The following EIF4G2 variants were observed in gnomAD, a reference collection of about 807,000 sequenced individuals.
EIF4G2 encodes eukaryotic translation initiation factor 4 gamma 2, also known as DAP-5.
Under a neutral mutation model 117.7 loss-of-function variants are expected in EIF4G2, and 8 were observed. That is an observed-to-expected ratio of 0.07 (90% CI 0.04 to 0.12). The LOEUF (loss-of-function observed/expected upper bound fraction) is 0.12, where lower values mean the gene tolerates loss of function less well. EIF4G2 is among the 10% of genes least tolerant of loss of function. EIF4G2 has a pLI of 1.00. For synonymous variants in EIF4G2, 413 were observed against 367.8 expected (o/e 1.12, Z -1.41); for missense variants, 812 against 1,086.2 (o/e 0.75, Z 3.55).
chr11:10,798,340 A>T (rs1234679040), intron 21 of EIF4G2, among the ~76,000 whole-genome samples: 1 of 152,194 alleles, frequency 6.6e-6, no homozygotes, highest in Non-Finnish European at 1.5e-5. Context: ...GAAAAAATCA[A>T]ATTGTGAGAA....
In EIF4G2 at chr11:10,801,736, G is replaced by A. The variant is rs768169919; in HGVS notation, c.1338C>T (p.Leu446=). The A allele has an allele frequency of 3.7e-6, 6 of 1,614,162 alleles. No homozygotes were observed. The highest frequency in any genetic ancestry group is 5.1e-6 in the Non-Finnish European group (6 of 1,180,032). Residue 446 remains leucine, a synonymous_variant, in exon 14 of 22, where the codon CTC becomes CTT. Transcript: ENST00000339995. The stretch of plus-strand genomic sequence containing the variant: ...TCGACTGTCCTTGCAGCTGGGATAA[G>A]AGTCCCTGACTCTGGTTATGGTAGA...
Position 10,808,155 on chromosome 11 carries a change from T to TC in EIF4G2, c.-87+549dup, listed in dbSNP as rs567780427. 2.0e-5 allele frequency: 22 copies of TC among 1,096,700 alleles called. No homozygotes were observed. The East Asian group carries it at 2.0e-3, about 98-fold the overall frequency. 67.9% of individuals were successfully genotyped at this position (1,096,700 alleles called of 1,614,324 possible). A position where few individuals can be genotyped will look rare whatever the true frequency, so the allele number is the denominator to read the frequency against. On this transcript the variant is annotated intron_variant, in intron 1 of 21. Transcript: ENST00000339995. ...AGCGGGCCCCCTCCTGCACCATAAATCCCCCCGGGACTGACAACCGCCTCG... is the reference window on the plus strand; with the variant it reads ...AGCGGGCCCCCTCCTGCACCATAAATCCCCCCCGGGACTGACAACCGCCTCG...
In EIF4G2 at chr11:10,800,531, G is replaced by A; in HGVS notation, c.1761C>T (p.Ile587=). The A allele has an allele frequency of 6.2e-7, 1 of 1,614,080 alleles. No individual in the cohort carries two copies. The highest frequency in any genetic ancestry group is 8.5e-7 in the Non-Finnish European group (1 of 1,180,016). The change falls in exon 17 of 22, where the codon ATC becomes ATT. Residue 587 remains isoleucine, a synonymous_variant. Coordinates refer to ENST00000339995, the MANE Select transcript of EIF4G2 (RefSeq NM_001418.4). ...CTTCATCGCTTCTATCTAGTGACAG[G>A]ATGATTACTTTGCTTAACATCTCAG... is the stretch of plus-strand genomic sequence containing the variant.
intron 3 of EIF4G2, 74 bp from the exon 4 acceptor site, chr11:10,806,121 G>C (rs1192862885): frequency 6.3e-7 from 1 of 1,590,520 alleles, no homozygotes; most frequent in East Asian, 2.2e-5. Context: ...CTCTTACATA[G>C]AAAAAAGTAA....
chr11:10,807,647 A>G (rs953370636), intron 1 of EIF4G2: 1 of 1,059,732 alleles, frequency 9.4e-7, no homozygotes. Flanking sequence ...GCCACATTCT[A>G]CTATCTTTAA....
Position 10,802,178 on chromosome 11 carries a change from G to A in EIF4G2, c.1170C>T (p.Ile390=). The A allele has an allele frequency of 6.2e-7, 1 of 1,614,160 alleles. No homozygotes were observed. Among genetic ancestry groups the A allele is most frequent in the Non-Finnish European group, 8.5e-7 (1 of 1,180,040 alleles). The stretch of plus-strand genomic sequence containing the variant: ...CCATGGTGGGTGAAAATCTATCCTG[G>A]ATAACTCCTGGACCAGTACCAATTC... The change falls in exon 13 of 22, where the codon ATC becomes ATT. Residue 390 remains isoleucine, a synonymous_variant. Coordinates refer to ENST00000339995, the MANE Select transcript of EIF4G2 (RefSeq NM_001418.4).
intron 1 of EIF4G2, chr11:10,808,286 G>A (rs764351481): frequency 4.1e-6 from 5 of 1,216,824 alleles, no homozygotes; most frequent in South Asian, 1.4e-5. Context: ...CCTCCCCGCC[G>A]GGAGGCCAGG....
chr11:10,799,926 A>C, intron 18 of EIF4G2, 164 bp downstream of exon 18: 1 of 1,146,348 alleles, frequency 8.7e-7, no homozygotes, highest in South Asian at 1.6e-5. Context: ...AAATGAAAGT[A>C]GTTAAATTAT....
At chr11:10,798,128 T>C (rs1251801142) in intron 21 of EIF4G2, among the ~76,000 whole-genome samples, 1 of 152,204 alleles carries the variant, frequency 6.6e-6, no homozygotes, top group South Asian at 2.1e-4. Context: ...GGTAGGAAGA[T>C]GCTGCAGGAC....
At chr11:10,799,962 G>A in intron 18 of EIF4G2, 128 bp downstream of exon 18, 2 of 1,172,326 alleles carry the variant, frequency 1.7e-6, no homozygotes, top group Non-Finnish European at 2.4e-6. Flanking sequence ...GGTGAGATCT[G>A]TGGTAATGTT....
rs1288987947 is a variant in EIF4G2, at chr11:10,806,158, A to T, written c.108-111T>A. ...TTAGGCTTTCTCGACTTCCCCTCCA[A>T]GAAAGCCAACTCTGGAAATTAGTGC... On this transcript the variant is annotated intron_variant, in intron 3 of 21. Transcript: ENST00000339995. The T allele has an allele frequency of 4.8e-6, 7 of 1,446,486 alleles. No homozygotes were observed. The Admixed American group carries it at 8.4e-5, about 17-fold the overall frequency. 89.6% of individuals were successfully genotyped at this position (1,446,486 alleles called of 1,614,324 possible).
At chr11:10,802,623 T>C (rs1406931792) in intron 11 of EIF4G2, among the ~76,000 whole-genome samples, 188 bp from the exon 12 acceptor site, 4 of 152,190 alleles carry the variant, frequency 2.6e-5, no homozygotes, top group Non-Finnish European at 2.9e-5. Context: ...TCCCCCGACT[T>C]TGGGAGGCCC....
Position 10,805,034 on chromosome 11 carries a change from C to T in EIF4G2, c.249-19G>A, listed in dbSNP as rs749689899. ...TAGTATGCTGGAGAAAAAGGAATTA[C>T]ATTTTAAGTGTTAGCTAATACACAG... On this transcript the variant is annotated intron_variant, in intron 4 of 21. Transcript: ENST00000339995. 2.5e-6 allele frequency: 4 copies of T among 1,576,332 alleles called. No individual in the cohort carries two copies. Among genetic ancestry groups the T allele is most frequent in the East Asian group, 2.2e-5 (1 of 44,642 alleles).
chr11:10,807,637 G>A (rs1377968992), intron 1 of EIF4G2: 1 of 1,077,636 alleles, frequency 9.3e-7, no homozygotes, highest in African/African-American at 1.7e-5. Context: ...TTTTGAAAAA[G>A]CCACATTCTA....
At position 10,806,647 on chromosome 11, in the gene EIF4G2, A is replaced by T. The variant is rs1847579698; in HGVS notation, c.107+173T>A. ...CTTGAGAGTCTCAACTCACTTAGAA[A>T]ATTTGGCTAAGGAATAATCAGGAAC... On this transcript the variant is annotated intron_variant, in intron 3 of 21. Coordinates refer to ENST00000339995, the MANE Select transcript of EIF4G2 (RefSeq NM_001418.4). 1.9e-5 allele frequency: 12 copies of T among 627,866 alleles called. No homozygotes were observed. The South Asian group carries it at 2.9e-4, about 15-fold the overall frequency. 38.9% of individuals were successfully genotyped at this position (627,866 alleles called of 1,614,324 possible). A position where few individuals can be genotyped will look rare whatever the true frequency, so the allele number is the denominator to read the frequency against.
intron 7 of EIF4G2, 32 bp from the exon 8 acceptor site, chr11:10,804,082 T>A (rs753220532): frequency 6.2e-7 from 1 of 1,612,376 alleles, no homozygotes; most frequent in Non-Finnish European, 8.5e-7. Context: ...TAAGCCAACA[T>A]TCAGAATTAA....
rs186753721 is a variant in EIF4G2 at position 10,800,904 on chromosome 11, A to G, written c.1539+58T>C. On this transcript the variant is annotated intron_variant, in intron 15 of 21. Coordinates refer to ENST00000339995, the MANE Select transcript of EIF4G2 (RefSeq NM_001418.4). ...TGAAATTAGGGGGAAGAACACACTAAATTTAGAAAAAAGTCTTCAGATATC... is the reference window on the plus strand; with the variant it reads ...TGAAATTAGGGGGAAGAACACACTAGATTTAGAAAAAAGTCTTCAGATATC... 324 of 1,611,964 alleles carry G rather than the reference A, an allele frequency of 2.0e-4. 2 individuals carry two copies. In the East Asian group the frequency reaches 7.0e-3, roughly 35 times the overall value.
rs1056202354 is a variant in EIF4G2, at chr11:10,804,588, A to T, written c.352-170T>A. The T allele has an allele frequency of 6.0e-5, 49 of 816,902 alleles. No individual in the cohort carries two copies. In the Admixed American group the frequency reaches 1.3e-3, roughly 22 times the overall value. 50.6% of individuals were successfully genotyped at this position (816,902 alleles called of 1,614,324 possible). A position where few individuals can be genotyped will look rare whatever the true frequency, so the allele number is the denominator to read the frequency against. Reference sequence around the variant, plus strand: ...TCCTGGGAGTCAGAAAATGCCATGGATATCAAAACTTTCAAGTCTACATAA... The same window carrying T: ...TCCTGGGAGTCAGAAAATGCCATGGTTATCAAAACTTTCAAGTCTACATAA... On this transcript the variant is annotated intron_variant, in intron 5 of 21. Transcript: ENST00000339995.
chr11:10,803,327 C>A lies in EIF4G2; in HGVS notation c.814-33G>T. The A allele has an allele frequency of 1.2e-6, 2 of 1,605,980 alleles. No individual in the cohort carries two copies. Among genetic ancestry groups the A allele is most frequent in the Admixed American group, 1.7e-5 (1 of 58,980 alleles). Reference sequence around the variant, plus strand: ...GAGAAGAATACATTCATTGGAAGAGCTAAAGCAAATGTGTTCAATTTACAG... The same window carrying A: ...GAGAAGAATACATTCATTGGAAGAGATAAAGCAAATGTGTTCAATTTACAG... On this transcript the variant is annotated intron_variant, in intron 9 of 21. Coordinates refer to ENST00000339995, the MANE Select transcript of EIF4G2 (RefSeq NM_001418.4). This position sits in a 1 kb window ranked among gnomAD's most constrained non-coding sequence, Gnocchi z 4.0.
Sources: gnomAD v4.1 joint callset for allele counts (sites outside exome capture counted in the v4.1 genomes callset) on GRCh38, gnomAD v4.1.1 for gene constraint, Gnocchi (gnomAD v3.1) non-coding constraint, MANE v1.5 for transcripts, NCBI Gene and HGNC (gene_info 2026-07-23, HGNC 2026-07-21) for gene names.